The following UBAC2 variants were observed in gnomAD, a reference collection of about 807,000 sequenced individuals.
The protein encoded by UBAC2 is UBA domain containing 2.
Under a neutral mutation model 44.0 loss-of-function variants are expected in UBAC2, and 26 were observed. That is an observed-to-expected ratio of 0.59 (90% confidence interval 0.43 to 0.82). The LOEUF (loss-of-function observed/expected upper bound fraction) is 0.82. UBAC2 is among the 40% of genes least tolerant of loss of function. The pLI is 0.00. For missense variants in UBAC2, 329 were observed against 419.4 expected (o/e 0.78, Z 1.88); for synonymous variants, 155 against 154.3 (o/e 1.00, Z -0.04).
chr13:99,309,399 G>A (rs916487957), intron 4 of UBAC2, among the ~76,000 whole-genome samples: 4 of 151,326 alleles, frequency 2.6e-5, no homozygotes, highest in South Asian at 2.1e-4. Context: ...GTGAGCCACC[G>A]TGCCCAGCCC....
intron 6 of UBAC2, among the ~76,000 whole-genome samples, chr13:99,338,789 T>A (rs1018701857): frequency 2.6e-5 from 4 of 152,222 alleles, no homozygotes; most frequent in Admixed American, 2.6e-4. Flanking sequence ...CAACATCCAG[T>A]GGCTAGTTCT....
At chr13:99,235,684 T>C (rs913368400) in intron 1 of UBAC2, among the ~76,000 whole-genome samples, 12 of 152,126 alleles carry the variant, frequency 7.9e-5, no homozygotes, top group Non-Finnish European at 1.3e-4. Flanking sequence ...TTCAAAAAAA[T>C]TGTGCTGGGG....
chr13:99,340,180 G>A lies in UBAC2; in HGVS notation c.562-140G>A, dbSNP rs2044862565. 8.5e-6 allele frequency: 7 copies of A among 828,030 alleles called. No homozygotes were observed. The South Asian group carries it at 1.2e-4, about 15-fold the overall frequency. The allele number at this position is 828,030 out of a possible 1,614,324, so 51.3% of individuals were successfully genotyped here. ...GCTTAGTGTTCTGCAGTGTGGTAGA[G>A]GATTTTGCTTATTGCCTAACACTGC... On this transcript the variant is annotated intron_variant, in intron 6 of 8. Transcript: ENST00000403766.
At chr13:99,327,190 A>G (rs1486404108) in intron 6 of UBAC2, among the ~76,000 whole-genome samples, 1 of 152,202 alleles carries the variant, frequency 6.6e-6, no homozygotes, top group African/African-American at 2.4e-5. Context: ...ACTCAATCTG[A>G]AGTAAAGAAA....
chr13:99,329,150 A>G (rs929899377), intron 6 of UBAC2, among the ~76,000 whole-genome samples: 1 of 152,160 alleles, frequency 6.6e-6, no homozygotes, highest in African/African-American at 2.4e-5. Context: ...AGTTATCTAT[A>G]TGTCTGTCCT....
chr13:99,252,185 T>C (rs951975835), intron 4 of UBAC2, among the ~76,000 whole-genome samples: 2 of 152,390 alleles, frequency 1.3e-5, no homozygotes, highest in East Asian at 1.9e-4. Flanking sequence ...CTTGGCTTGC[T>C]TTCTGCTTCC....
At chr13:99,314,261 T>TC in intron 5 of UBAC2, 41 bp downstream of exon 5, 1 of 1,355,150 alleles carries the variant, frequency 7.4e-7, no homozygotes, top group Non-Finnish European at 9.8e-7. Context: ...TTTAACCAGA[T>TC]CTTTTTTTTT....
chr13:99,294,439 A>G (rs1307333340), intron 4 of UBAC2: 3 of 152,308 alleles, frequency 2.0e-5, no homozygotes, highest in Non-Finnish European at 4.4e-5. Context: ...CATCATCATC[A>G]TCATTTATAA....
intron 1 of UBAC2, chr13:99,215,614 C>G: frequency 7.6e-7 from 1 of 1,319,032 alleles, no homozygotes; most frequent in Non-Finnish European, 1.1e-6. Context: ...GCGGCAGTTG[C>G]ACCCACATGT....
chr13:99,368,915 C>T lies in UBAC2; in HGVS notation c.927+1009C>T, dbSNP rs543424541. Among the ~76,000 whole-genome samples, 4 of 151,960 alleles carry T rather than the reference C, an allele frequency of 2.6e-5. No individual in the cohort carries two copies. The East Asian group carries it at 5.8e-4, about 22-fold the overall frequency. On this transcript the variant is annotated intron_variant, in intron 8 of 8. Transcript: ENST00000403766. ...CAGGATAGCCCTGGATCATCGTGTG[C>T]CAGGAAAGTAAGGAAGTGATCAGTC...
At position 99,200,886 on chromosome 13, in the gene UBAC2, G is replaced by T; in HGVS notation, c.-23G>T. 2 of 1,302,722 alleles carry T rather than the reference G, an allele frequency of 1.5e-6. No individual in the cohort carries two copies. The highest frequency in any genetic ancestry group is 2.0e-6 in the Non-Finnish European group (2 of 1,017,314). 80.7% of individuals were successfully genotyped at this position (1,302,722 alleles called of 1,614,324 possible). On this transcript the variant is annotated 5_prime_UTR_variant, in exon 1 of 9. Coordinates refer to ENST00000403766, the MANE Select transcript of UBAC2 (RefSeq NM_001144072.2). Reference sequence around the variant, plus strand: ...AGCTTCCCCTCCCCCGGCGCCCTCTGGGGCTCCGAGCCCGGCGGGACCATG... The same window carrying T: ...AGCTTCCCCTCCCCCGGCGCCCTCTTGGGCTCCGAGCCCGGCGGGACCATG...
intron 1 of UBAC2, among the ~76,000 whole-genome samples, chr13:99,221,783 G>A (rs1048244443): frequency 1.3e-5 from 2 of 152,148 alleles, no homozygotes; most frequent in Non-Finnish European, 2.9e-5. Flanking sequence ...CATGGTGATC[G>A]CCTACTTGAC....
Position 99,295,693 on chromosome 13 carries a change from C to T in UBAC2, c.390-18404C>T. Reference sequence around the variant, plus strand: ...ATACTAGAATCCAGACAAATATGCACACGCCTTTTGCATGTTCAATCCTTT... The same window carrying T: ...ATACTAGAATCCAGACAAATATGCATACGCCTTTTGCATGTTCAATCCTTT... On this transcript the variant is annotated intron_variant, in intron 4 of 8. Coordinates refer to ENST00000403766, the MANE Select transcript of UBAC2 (RefSeq NM_001144072.2). This position sits in a 1 kb window ranked among gnomAD's most constrained non-coding sequence, Gnocchi z 4.1. 1.2e-6 allele frequency: 2 copies of T among 1,614,146 alleles called. No individual in the cohort carries two copies. The highest frequency in any genetic ancestry group is 1.7e-6 in the Non-Finnish European group (2 of 1,180,018).
intron 6 of UBAC2, among the ~76,000 whole-genome samples, chr13:99,327,474 C>T (rs2044654771): frequency 6.7e-6 from 1 of 149,712 alleles, no homozygotes; most frequent in South Asian, 2.3e-4. Flanking sequence ...TTTGGTTTTT[C>T]TCTCTCTCTC....
intron 8 of UBAC2, among the ~76,000 whole-genome samples, chr13:99,382,365 G>C (rs2045562913): frequency 6.6e-6 from 1 of 152,246 alleles, no homozygotes; most frequent in African/African-American, 2.4e-5. Flanking sequence ...AAATTCCTGA[G>C]TGTTTTCAGC....
chr13:99,305,438 G>T (rs2044319165), intron 4 of UBAC2, among the ~76,000 whole-genome samples: 1 of 152,202 alleles, frequency 6.6e-6, no homozygotes, highest in African/African-American at 2.4e-5. Context: ...AGAGAGAAAA[G>T]TATCCCTGTA....
chr13:99,274,895 C>G (rs1351355708), intron 4 of UBAC2, among the ~76,000 whole-genome samples: 1 of 151,480 alleles, frequency 6.6e-6, no homozygotes, highest in Non-Finnish European at 1.5e-5. Flanking sequence ...TTTTTGTATT[C>G]TTTGTAGAGA....
intron 4 of UBAC2, among the ~76,000 whole-genome samples, chr13:99,283,885 C>T (rs1339065625): frequency 1.3e-5 from 2 of 151,958 alleles, no homozygotes; most frequent in Admixed American, 6.6e-5. Flanking sequence ...CAGGCGTGTG[C>T]CACCACGCCC....
At chr13:99,320,699 G>C (rs1387084080) in intron 6 of UBAC2, among the ~76,000 whole-genome samples, 1 of 152,026 alleles carries the variant, frequency 6.6e-6, no homozygotes, top group African/African-American at 2.4e-5. Context: ...TCTTTGTCTA[G>C]AAAATTCTCA....
Sources: allele counts gnomAD v4.1 joint callset (sites outside exome capture counted in the v4.1 genomes callset), GRCh38; gene constraint gnomAD v4.1.1; non-coding constraint Gnocchi (gnomAD v3.1); transcripts MANE v1.5; gene names NCBI Gene and HGNC (gene_info 2026-07-23, HGNC 2026-07-21).